DDX10: variants seen among roughly 807,000 people sequenced by gnomAD.
DDX10 encodes the protein probable ATP-dependent RNA helicase DDX10.
In DDX10, 74 loss-of-function variants were observed where a neutral mutation model predicts 104.3. The ratio of observed to expected loss-of-function variants is 0.71; its 90% confidence interval spans 0.59 to 0.86. DDX10 has a LOEUF of 0.86. Among genes scored for constraint, DDX10 ranks in the 40% least tolerant of loss-of-function variants. The probability of loss-of-function intolerance (pLI) is 0.00; values close to 1 mark genes in which losing one functional copy is unlikely to be tolerated. For missense variants in DDX10, 952 were observed against 1,040.0 expected (o/e 0.92, Z 1.16); for synonymous variants, 351 against 353.4 (o/e 0.99, Z 0.08).
chr11:108,930,850 A>G (rs1430076015), intron 17 of DDX10, among the ~76,000 whole-genome samples: 3 of 152,206 alleles, frequency 2.0e-5, no homozygotes, highest in African/African-American at 7.2e-5. Context: ...CTTCCTTATG[A>G]ACAGGGCTGC....
intron 16 of DDX10, among the ~76,000 whole-genome samples, chr11:108,895,356 C>A (rs1336053373): frequency 5.4e-5 from 8 of 148,202 alleles, no homozygotes; most frequent in Non-Finnish European, 9.0e-5. Context: ...TAAACTCAGT[C>A]AAAAAAAAAG....
chr11:108,875,542 T>C (rs1312413163), intron 16 of DDX10, among the ~76,000 whole-genome samples: 1 of 152,146 alleles, frequency 6.6e-6, no homozygotes, highest in East Asian at 1.9e-4. Flanking sequence ...CAGAATGCCT[T>C]TTGTGGCTGC....
Position 108,940,377 on chromosome 11 carries a change from C to T in DDX10, c.2582C>T (p.Ala861Val). ...CCTTTGGATACCGGCCTGTCTTTAG[C>T]AGAGGATGAAGAGCTGGTGTTACAT... ...LEPLDTGLSL[A>V]EDEELVLHLL... Residue 861 changes from alanine (A) to valine (V), a missense_variant, in exon 18 of 18, where the codon GCA (alanine) becomes GTA (valine). Ala to Val is a moderately conservative substitution (Grantham distance 64). This residue lies in a region of DDX10 where 533 missense variants were observed against 534.1 expected (regional missense o/e 1.00). Coordinates refer to ENST00000322536, the MANE Select transcript of DDX10 (RefSeq NM_004398.4). 2 of 1,613,970 alleles carry T rather than the reference C, an allele frequency of 1.2e-6. No homozygotes were observed. The highest frequency in any genetic ancestry group is 2.2e-5 in the South Asian group (2 of 91,076).
intron 13 of DDX10, among the ~76,000 whole-genome samples, chr11:108,798,753 G>A (rs1861980029): frequency 6.6e-6 from 1 of 152,142 alleles, no homozygotes; most frequent in Non-Finnish European, 1.5e-5. Flanking sequence ...AGGTTGCAGG[G>A]TGGGGTAGGG....
intron 6 of DDX10, among the ~76,000 whole-genome samples, chr11:108,682,624 T>C (rs1591790167): frequency 1.3e-5 from 2 of 152,310 alleles, no homozygotes; most frequent in East Asian, 3.9e-4. Context: ...CCTACCTTTG[T>C]GTCTTCATTG....
chr11:108,749,931 CTG>C (rs1414596573), intron 13 of DDX10, among the ~76,000 whole-genome samples: 1 of 152,072 alleles, frequency 6.6e-6, no homozygotes, highest in Non-Finnish European at 1.5e-5. Context: ...TATAAGTACT[CTG>C]TAAAAATGAT....
chr11:108,897,045 CA>C (rs1428505327), intron 16 of DDX10, among the ~76,000 whole-genome samples: 6 of 151,820 alleles, frequency 4.0e-5, no homozygotes. Context: ...CTGAGAGAAA[CA>C]GCTAACATTC....
intron 13 of DDX10, among the ~76,000 whole-genome samples, chr11:108,772,761 A>G (rs898481053): frequency 6.6e-6 from 1 of 152,210 alleles, no homozygotes; most frequent in Non-Finnish European, 1.5e-5. Context: ...TTAGATTCTC[A>G]TAGGCGCTCG....
intron 15 of DDX10, among the ~76,000 whole-genome samples, chr11:108,849,097 T>C (rs2466939): frequency 0.15 from 22,929 of 152,100 alleles, 2,118 homozygotes; most frequent in East Asian, 0.27. Context: ...GGTAACAGAT[T>C]GGAGAACCTT....
At chr11:108,707,795 A>C (rs1287278242) in intron 10 of DDX10, among the ~76,000 whole-genome samples, 1 of 152,232 alleles carries the variant, frequency 6.6e-6, no homozygotes, top group Non-Finnish European at 1.5e-5. Context: ...TATTAAAACC[A>C]AAAAGCTACA....
At chr11:108,763,614 G>T (rs545633980) in intron 13 of DDX10, among the ~76,000 whole-genome samples, 1 of 152,152 alleles carries the variant, frequency 6.6e-6, no homozygotes, top group Admixed American at 6.5e-5. Context: ...TTTATTTTAG[G>T]AGTGTTTTAT....
Position 108,678,452 on chromosome 11 carries a change from T to G in DDX10, c.658+17T>G, listed in dbSNP as rs2306117. On this transcript the variant is annotated intron_variant, in intron 5 of 17. Transcript: ENST00000322536. ...AAATGTTAGGTGAGTCAAATCAATT[T>G]CTAATTTAAAAAAAAAAAAAGCTCA... The G allele has an allele frequency of 0.14, 210,890 of 1,553,266 alleles. 16,489 individuals carry two copies. The highest frequency in any genetic ancestry group is 0.25 in the East Asian group (11,132 of 44,108).
intron 1 of DDX10, among the ~76,000 whole-genome samples, chr11:108,671,446 G>A (rs1184267587): frequency 6.6e-6 from 1 of 152,216 alleles, no homozygotes; most frequent in Non-Finnish European, 1.5e-5. Context: ...TTACAGGCGT[G>A]AGCCATCGTG....
At chr11:108,693,708 T>C in intron 9 of DDX10, 108 bp downstream of exon 9, 1 of 885,040 alleles carries the variant, frequency 1.1e-6, no homozygotes, top group Admixed American at 1.9e-5. Context: ...GAGTGCTGGT[T>C]TGGCATTTTG....
intron 17 of DDX10, among the ~76,000 whole-genome samples, chr11:108,939,444 C>T (rs1179402044): frequency 2.0e-5 from 3 of 152,190 alleles, no homozygotes; most frequent in African/African-American, 7.2e-5. Flanking sequence ...AGCGCAGTGC[C>T]ACACTCTGAG....
At chr11:108,934,843 G>A (rs981591489) in intron 17 of DDX10, among the ~76,000 whole-genome samples, 2 of 152,148 alleles carry the variant, frequency 1.3e-5, no homozygotes, top group Admixed American at 6.5e-5. Context: ...TATTAAAAAC[G>A]GAGGATTAGT....
chr11:108,743,863 C>T (rs1307541130), intron 13 of DDX10, among the ~76,000 whole-genome samples: 1 of 152,098 alleles, frequency 6.6e-6, no homozygotes, highest in African/African-American at 2.4e-5. Flanking sequence ...CTGCTTGAAC[C>T]CTTTGTCCCC....
chr11:108,877,564 T>C (rs1279187972), intron 16 of DDX10, among the ~76,000 whole-genome samples: 1 of 152,224 alleles, frequency 6.6e-6, no homozygotes, highest in Non-Finnish European at 1.5e-5. Context: ...AGATATTTAT[T>C]GTGTTACCAA....
chr11:108,905,537 A>G (rs1863585186), intron 16 of DDX10, among the ~76,000 whole-genome samples: 1 of 152,104 alleles, frequency 6.6e-6, no homozygotes, highest in Non-Finnish European at 1.5e-5. Flanking sequence ...TGATGTATCC[A>G]TCGTAATCAA....
Sources: allele counts gnomAD v4.1 joint callset (sites outside exome capture counted in the v4.1 genomes callset), GRCh38; gene constraint gnomAD v4.1.1; regional missense constraint gnomAD v4.1.1; transcripts MANE v1.5; gene names NCBI Gene and HGNC (gene_info 2026-07-23, HGNC 2026-07-21).